The following ASAP2 variants were observed in gnomAD, a reference collection of about 807,000 sequenced individuals.
The protein encoded by ASAP2 is arf-GAP with SH3 domain, ANK repeat and PH domain-containing protein 2.
Under a neutral mutation model 131.4 loss-of-function variants are expected in ASAP2, and 45 were observed. The observed-to-expected ratio is 0.34, with a 90% CI of 0.27 to 0.44. The LOEUF (loss-of-function observed/expected upper bound fraction) is 0.44, where lower values mean the gene tolerates loss of function less well. ASAP2 is among the 20% of genes least tolerant of loss of function. ASAP2 has a pLI of 1.00. For missense variants in ASAP2, 1,011 were observed against 1,297.0 expected (o/e 0.78, Z 3.39); for synonymous variants, 510 against 503.0 (o/e 1.01, Z -0.19).
chr2:9,209,809 T>A (rs1661404150), intron 1 of ASAP2, among the ~76,000 whole-genome samples: 1 of 152,250 alleles, frequency 6.6e-6, no homozygotes, highest in Non-Finnish European at 1.5e-5. Flanking sequence ...CCTCAGGTGA[T>A]CCACCTGCCT....
At chr2:9,242,542 A>T (rs1323534036) in intron 1 of ASAP2, among the ~76,000 whole-genome samples, 3 of 152,144 alleles carry the variant, frequency 2.0e-5, no homozygotes, top group African/African-American at 4.8e-5. Flanking sequence ...CTTGAAGTTG[A>T]CATCTTGTAT....
intron 3 of ASAP2, among the ~76,000 whole-genome samples, chr2:9,314,998 G>A (rs868314652): frequency 9.2e-5 from 14 of 151,972 alleles, no homozygotes; most frequent in African/African-American, 3.4e-4. Context: ...TTCTGCTGGG[G>A]TTGCTTAGTA....
chr2:9,341,410 T>G (rs920758755), intron 9 of ASAP2, among the ~76,000 whole-genome samples: 12 of 152,242 alleles, frequency 7.9e-5, no homozygotes, highest in African/African-American at 2.4e-4. Context: ...GCCTGCATGC[T>G]TCAATTGGCC....
At chr2:9,391,271 C>T in intron 23 of ASAP2, 75 bp downstream of exon 23, 1 of 1,539,040 alleles carries the variant, frequency 6.5e-7, no homozygotes, top group Non-Finnish European at 8.8e-7. Context: ...TCTCTGGAGC[C>T]ACACAGCTGC....
intron 9 of ASAP2, among the ~76,000 whole-genome samples, chr2:9,343,721 A>G (rs558509725): frequency 3.9e-4 from 59 of 152,346 alleles, no homozygotes; most frequent in Middle Eastern, 3.4e-3. Flanking sequence ...TGTTGGGATT[A>G]CAGGCATAAG....
intron 14 of ASAP2, among the ~76,000 whole-genome samples, chr2:9,357,726 A>C (rs1407644458): frequency 6.6e-6 from 1 of 152,214 alleles, no homozygotes; most frequent in Non-Finnish European, 1.5e-5. Context: ...GCACAAATAC[A>C]GTGGAGTCGT....
At chr2:9,298,385 A>G (rs1397063535) in intron 3 of ASAP2, among the ~76,000 whole-genome samples, 2 of 152,236 alleles carry the variant, frequency 1.3e-5, no homozygotes, top group Non-Finnish European at 2.9e-5. Flanking sequence ...GGGAAGGGGA[A>G]GAGCAGGAGC....
At chr2:9,317,859 G>A (rs140473585) in intron 3 of ASAP2, among the ~76,000 whole-genome samples, 74 of 151,326 alleles carry the variant, frequency 4.9e-4, no homozygotes, top group African/African-American at 1.5e-3. Flanking sequence ...ACACCTACAC[G>A]ATCACTCATA....
In ASAP2 at chr2:9,207,675, C is replaced by T. The variant is rs969498431; in HGVS notation, c.126+445C>T. On this transcript the variant is annotated intron_variant, in intron 1 of 27. Coordinates refer to ENST00000281419, the MANE Select transcript of ASAP2 (RefSeq NM_003887.3). The surrounding 1 kb of genome is among the most constrained non-coding windows in gnomAD (Gnocchi z 4.1). ...TCCCCGCCGCAGCCCCCGAGCGCCG[C>T]AGGGCCCCCACCCTCGGGTCCGCGG... Among the ~76,000 whole-genome samples the T allele has an allele frequency of 9.2e-5, 14 of 152,114 alleles. No individual in the cohort carries two copies. The highest frequency in any genetic ancestry group is 1.5e-4 in the Non-Finnish European group (10 of 67,994).
Position 9,288,838 on chromosome 2 carries a change from A to G in ASAP2, c.200-8462A>G, listed in dbSNP as rs1437114433. On this transcript the variant is annotated intron_variant, in intron 2 of 27. Coordinates refer to ENST00000281419, the MANE Select transcript of ASAP2 (RefSeq NM_003887.3). ...CCTTCTCCTTCCCTGATTTGGTCTCAGAGCACCCCTAGGAGGGAAGCAGCT... is the reference window on the plus strand; with the variant it reads ...CCTTCTCCTTCCCTGATTTGGTCTCGGAGCACCCCTAGGAGGGAAGCAGCT... Among the ~76,000 whole-genome samples, 3 of 152,028 alleles carry G rather than the reference A, an allele frequency of 2.0e-5. No homozygotes were observed. The East Asian group carries it at 5.8e-4, about 29-fold the overall frequency.
chr2:9,317,462 TC>T (rs1669816213), intron 3 of ASAP2, among the ~76,000 whole-genome samples: 1 of 133,796 alleles, frequency 7.5e-6, no homozygotes, highest in Admixed American at 7.4e-5. Flanking sequence ...ACATGTGCAT[TC>T]ACCTTATACT....
At chr2:9,382,523 A>G (rs80165485) in intron 20 of ASAP2, among the ~76,000 whole-genome samples, 6,358 of 152,286 alleles carry the variant, frequency 0.042, 383 homozygotes, top group African/African-American at 0.12. Context: ...GAGAACTGAG[A>G]AAATAGCCAC....
intron 3 of ASAP2, among the ~76,000 whole-genome samples, chr2:9,305,670 A>G (rs372459236): frequency 2.8e-3 from 71 of 25,288 alleles, no homozygotes; most frequent in African/African-American, 3.6e-3. Context: ...AGGGGCTGTA[A>G]TAGTGGGGTA....
In ASAP2 at chr2:9,344,552, C is replaced by T. The variant is rs1324038830; in HGVS notation, c.870C>T (p.Ser290=). ...EQKEDSQIRQ[S]TAYSLHQPQG... The stretch of plus-strand genomic sequence containing the variant: ...TTTAGGACTCCCAAATTCGTCAGAG[C>T]ACAGCTTATAGCTTACATCAGCCTC... Residue 290 remains serine, a synonymous_variant, in exon 10 of 28, where the codon AGC becomes AGT. Transcript: ENST00000281419. 1 of 1,614,074 alleles carries T rather than the reference C, an allele frequency of 6.2e-7. No homozygotes were observed. Among genetic ancestry groups the T allele is most frequent in the Admixed American group, 1.7e-5 (1 of 60,020 alleles).
intron 12 of ASAP2, among the ~76,000 whole-genome samples, chr2:9,355,060 T>C (rs1019168988): frequency 5.3e-5 from 8 of 152,218 alleles, no homozygotes; most frequent in Admixed American, 1.3e-4. Flanking sequence ...TTCCCTTCTG[T>C]TAACATCTTA....
chr2:9,208,276 G>T (rs1391958482), intron 1 of ASAP2, among the ~76,000 whole-genome samples: 1 of 121,750 alleles, frequency 8.2e-6, no homozygotes, highest in Non-Finnish European at 1.6e-5. Flanking sequence ...AGGATGTCAG[G>T]TTACAGTTTT....
chr2:9,351,816 T>C (rs554314130), intron 12 of ASAP2, among the ~76,000 whole-genome samples: 1 of 152,304 alleles, frequency 6.6e-6, no homozygotes, highest in Non-Finnish European at 1.5e-5. Context: ...CTTGCTCTTA[T>C]CCTCCCTGTT....
chr2:9,226,529 A>G (rs994642219), intron 1 of ASAP2, among the ~76,000 whole-genome samples: 2 of 152,162 alleles, frequency 1.3e-5, no homozygotes, highest in Non-Finnish European at 2.9e-5. Context: ...CTGTAATTTT[A>G]AAGTCCAGCT....
At chr2:9,349,143 A>G (rs1157889623) in intron 11 of ASAP2, among the ~76,000 whole-genome samples, 1 of 152,196 alleles carries the variant, frequency 6.6e-6, no homozygotes, top group African/African-American at 2.4e-5. Flanking sequence ...CCTGCCTTGT[A>G]TAGGTATATA....
Sources: gnomAD v4.1 joint callset for allele counts (sites outside exome capture counted in the v4.1 genomes callset) on GRCh38, gnomAD v4.1.1 for gene constraint, Gnocchi (gnomAD v3.1) non-coding constraint, MANE v1.5 for transcripts, NCBI Gene and HGNC (gene_info 2026-07-23, HGNC 2026-07-21) for gene names.